Variants in SIX5 observed in about 807,000 individuals in gnomAD.
SIX5 encodes SIX homeobox 5.
SIX5 carries 21 observed loss-of-function variants against 37.1 expected under a neutral mutation model. The observed-to-expected ratio is 0.57, with a 90% CI of 0.40 to 0.81. The LOEUF (loss-of-function observed/expected upper bound fraction) is 0.81, where lower values mean the gene tolerates loss of function less well. SIX5 is among the 40% of genes least tolerant of loss of function. SIX5 has a pLI of 0.00. For missense variants in SIX5, 1,137 were observed against 1,025.1 expected (o/e 1.11, Z -1.49); for synonymous variants, 626 against 505.9 (o/e 1.24, Z -3.19).
In SIX5 at chr19:45,765,558, C is replaced by T. The variant is rs1292881151; in HGVS notation, c.2163G>A (p.Glu721=). 2.5e-6 allele frequency: 4 copies of T among 1,613,446 alleles called. No homozygotes were observed. Among genetic ancestry groups the T allele is most frequent in the Non-Finnish European group, 3.4e-6 (4 of 1,180,010 alleles). The part of the protein sequence containing the change: ...GGEVDEGLEA[E]AKVLTQLQSV... Reference sequence around the variant, plus strand: ...ACTGGAGCTGGGTCAGAACCTTGGCCTCAGCTTCCAACCCCTCGTCAACCT... The same window carrying T: ...ACTGGAGCTGGGTCAGAACCTTGGCTTCAGCTTCCAACCCCTCGTCAACCT... The change falls in exon 3 of 3, where the codon GAG becomes GAA. Residue 721 remains glutamate (E), a synonymous_variant. Transcript: ENST00000317578.
At position 45,765,910 on chromosome 19, in the gene SIX5, G is replaced by T; in HGVS notation, c.1811C>A (p.Pro604His). 2 of 1,588,770 alleles carry T rather than the reference G, an allele frequency of 1.3e-6. No individual in the cohort carries two copies. The highest frequency in any genetic ancestry group is 2.3e-5 in the East Asian group (1 of 44,168). ...SVPEGGLPVA[P>H]SPALPEAHAL... Reference sequence around the variant, plus strand: ...GTGAGCCTCTGGGAGAGCAGGGCTGGGGGCCACCGGGAGGCCTCCCTCAGG... The same window carrying T: ...GTGAGCCTCTGGGAGAGCAGGGCTGTGGGCCACCGGGAGGCCTCCCTCAGG... The change falls in exon 3 of 3, where the codon CCC becomes CAC. Residue 604 changes from proline (P) to histidine (H), a missense_variant. By Grantham distance (77) the Pro-to-His change is moderately conservative. Around this residue, in one of 3 missense-constraint regions of SIX5, gnomAD observed 787 missense variants for 621.4 expected, o/e 1.27. Transcript: ENST00000317578.
At position 45,766,509 on chromosome 19, in the gene SIX5, C is replaced by T. The variant is rs1467824347; in HGVS notation, c.1450G>A (p.Val484Met). Residue 484 changes from valine to methionine, a missense_variant, in exon 2 of 3, where the codon GTG becomes ATG. Transcript: ENST00000317578. ...CCCACAGCCTGGGGCAGGGTCACCA[C>T]CTGTGAGGTGGGTACTACCTGGGGC... ...NLPQVVPTSQVVTLPQAVGPL... is the reference protein window; with the variant it reads ...NLPQVVPTSQMVTLPQAVGPL... 2 of 1,508,090 alleles carry T rather than the reference C, an allele frequency of 1.3e-6. No homozygotes were observed. Among genetic ancestry groups the T allele is most frequent in the South Asian group, 1.3e-5 (1 of 78,494 alleles). The allele number at this position is 1,508,090 out of a possible 1,614,324, so 93.4% of individuals were successfully genotyped here.
intron 2 of SIX5, 24 bp from the exon 3 acceptor site, chr19:45,766,135 G>GC (rs1251261417): frequency 1.2e-6 from 2 of 1,604,554 alleles, no homozygotes; most frequent in Non-Finnish European, 1.7e-6. Flanking sequence ...GGGACCGAGC[G>GC]CAGGTGAGAG....
At position 45,764,948 on chromosome 19, in the gene SIX5, A is replaced by G; in HGVS notation, c.*553T>C. 5.4e-6 allele frequency: 1 copy of G among 186,344 alleles called. No individual in the cohort carries two copies. The highest frequency in any genetic ancestry group is 1.1e-4 in the South Asian group (1 of 8,802). The allele number at this position is 186,344 out of a possible 1,614,324, so 11.5% of individuals were successfully genotyped here. A position where few individuals can be genotyped will look rare whatever the true frequency, so the allele number is the denominator to read the frequency against. On this transcript the variant is annotated 3_prime_UTR_variant, in exon 3 of 3. Coordinates refer to ENST00000317578, the MANE Select transcript of SIX5 (RefSeq NM_175875.5). ...ATAATGAGGACAAGGGCTTGAGTCG[A>G]GGGGAGCTGGTGAAGGAAGACCCCC...
chr19:45,766,936 G>A lies in SIX5; in HGVS notation c.1023C>T (p.Gly341=), dbSNP rs780345670. 116 of 1,570,582 alleles carry A rather than the reference G, an allele frequency of 7.4e-5. No individual in the cohort carries two copies. The Admixed American group carries it at 2.0e-3, about 27-fold the overall frequency. Residue 341 remains glycine (G), a synonymous_variant, in exon 2 of 3, where the codon GGC becomes GGT. Transcript: ENST00000317578. ...GGGCCAGGCCGTTGATGATGACGGG[G>A]CCCCCGTTGAGGAGCACTGCTGGGG... is the stretch of plus-strand genomic sequence containing the variant. ...SGSPAVLLNG[G]PVIINGLALG... is the part of the protein sequence containing the mutation.
chr19:45,766,911 G>GCCA lies in SIX5; in HGVS notation c.1047_1048insTGG (p.Ala349_Leu350insTrp). 1 of 1,557,694 alleles carries GCCA rather than the reference G, an allele frequency of 6.4e-7. No homozygotes were observed. Among genetic ancestry groups the GCCA allele is most frequent in the Non-Finnish European group, 8.7e-7 (1 of 1,154,126 alleles). The stretch of plus-strand genomic sequence containing the variant: ...GGGCCCAGGCTGGAGGCCTCGCCCA[G>GCCA]GGCCAGGCCGTTGATGATGACGGGG... On this transcript the variant is annotated inframe_insertion, in exon 2 of 3. Coordinates refer to ENST00000317578, the MANE Select transcript of SIX5 (RefSeq NM_175875.5).
chr19:45,768,735 T>A lies in SIX5; in HGVS notation c.110A>T (p.Gln37Leu), dbSNP rs930153795. The change falls in exon 1 of 3, where the codon CAG (glutamine) becomes CTG (leucine). Residue 37 changes from glutamine (Q) to leucine (L), a missense_variant. By Grantham distance (113) the Gln-to-Leu change is moderately radical. Around this residue, in one of 3 missense-constraint regions of SIX5, gnomAD observed 331 missense variants for 360.9 expected, o/e 0.92. Transcript: ENST00000317578. ...EEEEEARQLL[Q>L]TLQAAEGEAA... is the part of the protein sequence containing the mutation. The stretch of plus-strand genomic sequence containing the variant: ...CTCACCCTCGGCCGCCTGCAAAGTC[T>A]GCAAGAGCTGGCGCGCTTCCTCCTC... 2.0e-6 allele frequency: 3 copies of A among 1,507,168 alleles called. No individual in the cohort carries two copies. The African/African-American group carries it at 4.2e-5, about 21-fold the overall frequency. 93.4% of individuals were successfully genotyped at this position (1,507,168 alleles called of 1,614,324 possible). A position where few individuals can be genotyped will look rare whatever the true frequency, so the allele number is the denominator to read the frequency against.
At position 45,766,978 on chromosome 19, in the gene SIX5, G is replaced by A. The variant is rs1021616601; in HGVS notation, c.981C>T (p.Phe327=). 1.9e-6 allele frequency: 3 copies of A among 1,599,254 alleles called. No homozygotes were observed. Among genetic ancestry groups the A allele is most frequent in the Non-Finnish European group, 2.6e-6 (3 of 1,174,842 alleles). Residue 327 remains phenylalanine, a synonymous_variant, in exon 2 of 3, where the codon TTC becomes TTT. Coordinates refer to ENST00000317578, the MANE Select transcript of SIX5 (RefSeq NM_175875.5). ...CTGCTGGGGAGCCGCTGGCTGCCAG[G>A]AAGCTCCCGTTCACCAGGATGGAGG... ...ASSSILVNGS[F]LAASGSPAVL...
chr19:45,768,518 G>A lies in SIX5; in HGVS notation c.327C>T (p.Arg109=). 1 of 1,448,816 alleles carries A rather than the reference G, an allele frequency of 6.9e-7. No individual in the cohort carries two copies. The highest frequency in any genetic ancestry group is 1.4e-5 in the South Asian group (1 of 71,362). The allele number at this position is 1,448,816 out of a possible 1,614,324, so 89.7% of individuals were successfully genotyped here. A position where few individuals can be genotyped will look rare whatever the true frequency, so the allele number is the denominator to read the frequency against. The part of the protein sequence containing the change: ...LQAGHAGRLS[R]FLGALPPAER... ...CGGCCGGGGGCAGTGCGCCCAGGAA[G>A]CGGCTCAAGCGGCCGGCGTGGCCCG... The change falls in exon 1 of 3, where the codon CGC becomes CGT. Residue 109 remains arginine (R), a synonymous_variant. Transcript: ENST00000317578.
In SIX5 at chr19:45,767,065, G is replaced by C. The variant is rs1405821307; in HGVS notation, c.894C>G (p.Ala298=). Residue 298 remains alanine, a synonymous_variant, in exon 2 of 3, where the codon GCC becomes GCG. Coordinates refer to ENST00000317578, the MANE Select transcript of SIX5 (RefSeq NM_175875.5). ...CCAGGAATATGGAGCCCTGGGCAGC[G>C]GCCTCGGCGGACACTGGGGCCGCCC... ...ERGAAPVSAE[A]AAQGSIFLAG... 1 of 1,608,664 alleles carries C rather than the reference G, an allele frequency of 6.2e-7. No homozygotes were observed. Among genetic ancestry groups the C allele is most frequent in the Non-Finnish European group, 8.5e-7 (1 of 1,177,342 alleles).
At position 45,768,617 on chromosome 19, in the gene SIX5, G is replaced by A. The variant is rs1969141373; in HGVS notation, c.228C>T (p.Ala76=). 2 of 1,275,460 alleles carry A rather than the reference G, an allele frequency of 1.6e-6. No homozygotes were observed. The highest frequency in any genetic ancestry group is 4.2e-5 in the Admixed American group (1 of 23,654). 79.0% of individuals were successfully genotyped at this position (1,275,460 alleles called of 1,614,324 possible). Residue 76 remains alanine, a synonymous_variant, in exon 1 of 3, where the codon GCC becomes GCT. Transcript: ENST00000317578. The stretch of plus-strand genomic sequence containing the variant: ...GGAGGCCCGTGGGCGGTTCGGAAGC[G>A]GCCTCGGGGGGCGACCCGGGGACGC... The part of the protein sequence containing the change: ...SPGVPGSPPE[A]ASEPPTGLRF...
At position 45,765,797 on chromosome 19, in the gene SIX5, C is replaced by T. The variant is rs775714885; in HGVS notation, c.1924G>A (p.Gly642Ser). ...GGCGCCGGGAAGTTGGGCAGGAGGCCAGGGGAGTCAGGGGAGAAGGGCAGG... is the reference window on the plus strand; with the variant it reads ...GGCGCCGGGAAGTTGGGCAGGAGGCTAGGGGAGTCAGGGGAGAAGGGCAGG... Reference protein sequence around the residue: ...TSLPFSPDSPGLLPNFPAPPP... With the variant: ...TSLPFSPDSPSLLPNFPAPPP... Residue 642 changes from glycine (G) to serine (S), a missense_variant, in exon 3 of 3, where the codon GGC (glycine) becomes AGC (serine). Physicochemically the swap from Gly to Ser is moderately conservative, Grantham distance 56. Around this residue, in one of 3 missense-constraint regions of SIX5, gnomAD observed 787 missense variants for 621.4 expected, o/e 1.27. Transcript: ENST00000317578. 9 of 1,604,450 alleles carry T rather than the reference C, an allele frequency of 5.6e-6. No homozygotes were observed. Among genetic ancestry groups the T allele is most frequent in the Non-Finnish European group, 7.6e-6 (9 of 1,179,830 alleles).
At position 45,766,357 on chromosome 19, in the gene SIX5, A is replaced by C. The variant is rs1568564108; in HGVS notation, c.1602T>G (p.Thr534=). ...GVTALQLPSA[T]APGNFLLANP... is the part of the protein sequence containing the mutation. ...GGAGGGAGATGGGGGTACCTGGGGC[A>C]GTGGCCGAAGGCAGCTGCAGGGCAG... Residue 534 remains threonine, a synonymous_variant, in exon 2 of 3, where the codon ACT becomes ACG. Coordinates refer to ENST00000317578, the MANE Select transcript of SIX5 (RefSeq NM_175875.5). 1.3e-6 allele frequency: 2 copies of C among 1,585,382 alleles called. No individual in the cohort carries two copies. The highest frequency in any genetic ancestry group is 1.7e-6 in the Non-Finnish European group (2 of 1,167,276).
chr19:45,768,354 T>C lies in SIX5; in HGVS notation c.491A>G (p.Tyr164Cys). ...GGCCTCATGGTAGCGCGCGCGCAGG[T>C]AGAGGTCCTGCAGGAAGGCGTGGTG... ...AAHHAFLQDL[Y>C]LRARYHEAER... Residue 164 changes from tyrosine (Y) to cysteine (C), a missense_variant, in exon 1 of 3, where the codon TAC becomes TGC. This residue lies in a region of SIX5 where 331 missense variants were observed against 360.9 expected (regional missense o/e 0.92). Coordinates refer to ENST00000317578, the MANE Select transcript of SIX5 (RefSeq NM_175875.5). 6.3e-7 allele frequency: 1 copy of C among 1,598,402 alleles called. No homozygotes were observed.
Position 45,766,109 on chromosome 19 carries a change from T to C in SIX5, c.1612A>G (p.Asn538Asp). Reference protein sequence around the residue: ...LQLPSATAPGNFLLANPVSGS... With the variant: ...LQLPSATAPGDFLLANPVSGS... Reference sequence around the variant, plus strand: ...GACACAGGGTTGGCCAGGAGGAAGTTTCCTGTGGGGAGAGAGGGACCGAGC... The same window carrying C: ...GACACAGGGTTGGCCAGGAGGAAGTCTCCTGTGGGGAGAGAGGGACCGAGC... The change falls in exon 3 of 3, where the codon AAC becomes GAC. Residue 538 changes from asparagine to aspartate, a missense_variant and splice_region_variant. This residue lies in a region of SIX5 where 787 missense variants were observed against 621.4 expected (regional missense o/e 1.27). Coordinates refer to ENST00000317578, the MANE Select transcript of SIX5 (RefSeq NM_175875.5). 8 of 1,611,150 alleles carry C rather than the reference T, an allele frequency of 5.0e-6. No individual in the cohort carries two copies. Among genetic ancestry groups the C allele is most frequent in the Non-Finnish European group, 6.8e-6 (8 of 1,178,948 alleles).
rs769336726 is a variant in SIX5, at chr19:45,766,416, T to C, written c.1543A>G (p.Asn515Asp). ...VKVAAAAGPA[N>D]VHLINSGVGV... is the part of the protein sequence containing the mutation. ...ACCCCGGAGTTGATGAGGTGCACAT[T>C]GGCAGGGCCTGCTGCAGCTGCCACC... Residue 515 changes from asparagine to aspartate, a missense_variant, in exon 2 of 3, where the codon AAT becomes GAT. Asn to Asp is a conservative substitution (Grantham distance 23, BLOSUM62 1). This residue lies in a region of SIX5 where 787 missense variants were observed against 621.4 expected (regional missense o/e 1.27). Transcript: ENST00000317578. The C allele has an allele frequency of 6.3e-7, 1 of 1,576,186 alleles. No homozygotes were observed. Among genetic ancestry groups the C allele is most frequent in the Non-Finnish European group, 8.6e-7 (1 of 1,162,056 alleles).
chr19:45,768,786 G>A lies in SIX5; in HGVS notation c.59C>T (p.Ala20Val), dbSNP rs1287696320. 2 of 1,527,434 alleles carry A rather than the reference G, an allele frequency of 1.3e-6. No individual in the cohort carries two copies. Among genetic ancestry groups the A allele is most frequent in the African/African-American group, 1.4e-5 (1 of 72,702 alleles). 94.6% of individuals were successfully genotyped at this position (1,527,434 alleles called of 1,614,324 possible). Residue 20 changes from alanine (A) to valine (V), a missense_variant, in exon 1 of 3, where the codon GCG becomes GTG. Ala to Val is a moderately conservative substitution (Grantham distance 64). This residue lies in a region of SIX5 where 331 missense variants were observed against 360.9 expected (regional missense o/e 0.92). Transcript: ENST00000317578. ...CTCCTCTTCGGTCGCCGCCGCCGCC[G>A]CCACCGCCTCCCCCCCAGCCGCCGG... ...AGPAAGGEAVAAAAATEEEEE... is the reference protein window; with the variant it reads ...AGPAAGGEAVVAAAATEEEEE...
rs199610741 is a variant in SIX5 at position 45,766,104 on chromosome 19, G to T, written c.1617C>A (p.Phe539Leu). Reference protein sequence around the residue: ...QLPSATAPGNFLLANPVSGSP... With the variant: ...QLPSATAPGNLLLANPVSGSP... Reference sequence around the variant, plus strand: ...TGCCAGACACAGGGTTGGCCAGGAGGAAGTTTCCTGTGGGGAGAGAGGGAC... The same window carrying T: ...TGCCAGACACAGGGTTGGCCAGGAGTAAGTTTCCTGTGGGGAGAGAGGGAC... The change falls in exon 3 of 3, where the codon TTC (phenylalanine) becomes TTA (leucine). Residue 539 changes from phenylalanine to leucine, a missense_variant. Physicochemically the swap from Phe to Leu is conservative, Grantham distance 22. Coordinates refer to ENST00000317578, the MANE Select transcript of SIX5 (RefSeq NM_175875.5). 38 of 1,611,296 alleles carry T rather than the reference G, an allele frequency of 2.4e-5. No homozygotes were observed. The highest frequency in any genetic ancestry group is 3.1e-5 in the Non-Finnish European group (37 of 1,179,018).
rs929659058 is a variant in SIX5 at position 45,766,111 on chromosome 19, C to T, written c.1610G>A (p.Gly537Glu). The part of the protein sequence containing the change: ...ALQLPSATAP[G>E]NFLLANPVSG... ...CACAGGGTTGGCCAGGAGGAAGTTT[C>T]CTGTGGGGAGAGAGGGACCGAGCGC... The change falls in exon 3 of 3, where the codon GGA becomes GAA. Residue 537 changes from glycine (G) to glutamate (E), a missense_variant and splice_region_variant. Physicochemically the swap from Gly to Glu is moderately conservative, Grantham distance 98. Around this residue, in one of 3 missense-constraint regions of SIX5, gnomAD observed 787 missense variants for 621.4 expected, o/e 1.27. Coordinates refer to ENST00000317578, the MANE Select transcript of SIX5 (RefSeq NM_175875.5). 1.2e-6 allele frequency: 2 copies of T among 1,610,902 alleles called. No individual in the cohort carries two copies. The highest frequency in any genetic ancestry group is 2.7e-5 in the African/African-American group (2 of 74,940).
Sources: allele counts gnomAD v4.1 joint callset, GRCh38; gene constraint gnomAD v4.1.1; regional missense constraint gnomAD v4.1.1; transcripts MANE v1.5; gene names NCBI Gene and HGNC (gene_info 2026-07-23, HGNC 2026-07-21).